CXXC1: variants seen among roughly 807,000 people sequenced by gnomAD.
The protein encoded by CXXC1 is CXXC finger protein 1, also known as CXXC-type zinc finger protein 1.
In CXXC1, 21 loss-of-function variants were observed where a neutral mutation model predicts 83.6. That is an observed-to-expected ratio of 0.25 (90% CI 0.18 to 0.36). The LOEUF is 0.36. CXXC1 is among the 10% of genes least tolerant of loss of function. The pLI is 1.00. For synonymous variants in CXXC1, 371 were observed against 337.5 expected (o/e 1.10, Z -1.09); for missense variants, 688 against 919.5 (o/e 0.75, Z 3.26).
Position 50,285,364 on chromosome 18 carries a change from G to T in CXXC1, c.640-13C>A. 2 of 1,585,252 alleles carry T rather than the reference G, an allele frequency of 1.3e-6. No homozygotes were observed. The highest frequency in any genetic ancestry group is 1.7e-6 in the Non-Finnish European group (2 of 1,164,378). ...ACTTGTACGATTCCTGTGCCGGCAG[G>T]AGGAAGGCCCAGGTCAGCCCCAGGT... On this transcript the variant is annotated splice_polypyrimidine_tract_variant and intron_variant, in intron 5 of 14. Coordinates refer to ENST00000285106, the MANE Select transcript of CXXC1 (RefSeq NM_014593.4). This position sits in a 1 kb window ranked among gnomAD's most constrained non-coding sequence, Gnocchi z 4.4.
chr18:50,286,230 T>C lies in CXXC1; in HGVS notation c.251A>G (p.Tyr84Cys), dbSNP rs770099569. Residue 84 changes from tyrosine (Y) to cysteine (C), a missense_variant, in exon 4 of 15, where the codon TAT becomes TGT. Tyr to Cys is a radical substitution (Grantham distance 194, BLOSUM62 -2). Transcript: ENST00000285106. ...REKDPKLEIRYRHKKSRERDG... is the reference protein window; with the variant it reads ...REKDPKLEIRCRHKKSRERDG... ...CCGCTCCCGTGACTTCTTGTGCCGA[T>C]AGCGAATCTCTAGCTTGGGGTCTTT... is the stretch of plus-strand genomic sequence containing the variant. 6.2e-7 allele frequency: 1 copy of C among 1,611,076 alleles called. No homozygotes were observed. Among genetic ancestry groups the C allele is most frequent in the Non-Finnish European group, 8.5e-7 (1 of 1,179,312 alleles).
chr18:50,284,329 C>T (rs954076009), intron 9 of CXXC1, 49 bp downstream of exon 9: 4 of 1,517,612 alleles, frequency 2.6e-6, no homozygotes, highest in South Asian at 2.6e-5. Flanking sequence ...TGTGGTCAGG[C>T]CCTACCATGC....
In CXXC1 at chr18:50,285,406, T is replaced by TGCCCTA; in HGVS notation, c.640-61_640-56dup. On this transcript the variant is annotated intron_variant, in intron 5 of 14. Coordinates refer to ENST00000285106, the MANE Select transcript of CXXC1 (RefSeq NM_014593.4). The surrounding 1 kb of genome is among the most constrained non-coding windows in gnomAD (Gnocchi z 4.4). ...GCCCCAGGTGGATGGAGGGCGGCCT[T>TGCCCTA]GCCCTAGCCCTACCCACCTGGCCTG... 6.5e-7 allele frequency: 1 copy of TGCCCTA among 1,543,246 alleles called. No individual in the cohort carries two copies. The highest frequency in any genetic ancestry group is 2.3e-5 in the East Asian group (1 of 44,292).
chr18:50,287,143 C>A (rs747298501), intron 1 of CXXC1: 1 of 526,608 alleles, frequency 1.9e-6, no homozygotes, highest in Non-Finnish European at 3.4e-6. Flanking sequence ...GCCTCACAGA[C>A]CCCGCGTAAC....
Position 50,285,361 on chromosome 18 carries a change from C to G in CXXC1, c.640-10G>C. ...AGTACTTGTACGATTCCTGTGCCGG[C>G]AGGAGGAAGGCCCAGGTCAGCCCCA... On this transcript the variant is annotated splice_polypyrimidine_tract_variant and intron_variant, in intron 5 of 14. Transcript: ENST00000285106. This position sits in a 1 kb window ranked among gnomAD's most constrained non-coding sequence, Gnocchi z 4.4. The G allele has an allele frequency of 6.3e-7, 1 of 1,586,342 alleles. No individual in the cohort carries two copies. Among genetic ancestry groups the G allele is most frequent in the Non-Finnish European group, 8.6e-7 (1 of 1,164,864 alleles).
Position 50,282,467 on chromosome 18 carries a change from G to A in CXXC1, c.*126C>T. ...GACAGTCCCTCTGATAAAGGCAGAT[G>A]GGCGGTCAACCGGTGGATGGGCACA... On this transcript the variant is annotated 3_prime_UTR_variant, in exon 15 of 15. Coordinates refer to ENST00000285106, the MANE Select transcript of CXXC1 (RefSeq NM_014593.4). This position sits in a 1 kb window ranked among gnomAD's most constrained non-coding sequence, Gnocchi z 5.8. 12 of 1,227,560 alleles carry A rather than the reference G, an allele frequency of 9.8e-6. No individual in the cohort carries two copies. Among genetic ancestry groups the A allele is most frequent in the Non-Finnish European group, 1.4e-5 (12 of 861,952 alleles). 76.0% of individuals were successfully genotyped at this position (1,227,560 alleles called of 1,614,324 possible).
In CXXC1 at chr18:50,287,459, G is replaced by A. The variant is rs536145705; in HGVS notation, c.3+128C>T. The A allele has an allele frequency of 1.6e-4, 183 of 1,136,274 alleles. 3 individuals are homozygous for A. The South Asian group carries it at 1.8e-3, about 11-fold the overall frequency. 70.4% of individuals were successfully genotyped at this position (1,136,274 alleles called of 1,614,324 possible). Reference sequence around the variant, plus strand: ...CAGATGGTTCATCATTCTGCCCATAGACTCCCGCCGTTCAGTCCACAGACT... The same window carrying A: ...CAGATGGTTCATCATTCTGCCCATAAACTCCCGCCGTTCAGTCCACAGACT... On this transcript the variant is annotated intron_variant, in intron 1 of 14. Coordinates refer to ENST00000285106, the MANE Select transcript of CXXC1 (RefSeq NM_014593.4).
chr18:50,287,390 A>G, intron 1 of CXXC1, 197 bp downstream of exon 1: 1 of 643,184 alleles, frequency 1.6e-6, no homozygotes, highest in Non-Finnish European at 2.7e-6. Context: ...TCCCCACTAA[A>G]CTTCTATTAA....
intron 12 of CXXC1, 73 bp downstream of exon 12, chr18:50,283,442 C>T (rs2149293378): frequency 2.5e-6 from 4 of 1,606,186 alleles, no homozygotes; most frequent in Middle Eastern, 3.3e-4. Context: ...TATCCTGCCC[C>T]AGCTCCACAC....
chr18:50,285,124 A>T lies in CXXC1; in HGVS notation c.790T>A (p.Ser264Thr). Reference sequence around the variant, plus strand: ...GCCTCAGGAGGCTCCTTGACTGTTGATGACGCCACTGCCCCCTCATCTTCA... The same window carrying T: ...GCCTCAGGAGGCTCCTTGACTGTTGTTGACGCCACTGCCCCCTCATCTTCA... The part of the protein sequence containing the change: ...IREDEGAVAS[S>T]TVKEPPEATA... Residue 264 changes from serine to threonine, a missense_variant, in exon 7 of 15, where the codon TCA becomes ACA. Transcript: ENST00000285106. The surrounding 1 kb of genome is among the most constrained non-coding windows in gnomAD (Gnocchi z 4.4). 8 of 1,614,146 alleles carry T rather than the reference A, an allele frequency of 5.0e-6. No homozygotes were observed. Among genetic ancestry groups the T allele is most frequent in the Non-Finnish European group, 6.8e-6 (8 of 1,180,020 alleles).
In CXXC1 at chr18:50,282,438, C is replaced by T. The variant is rs904103336; in HGVS notation, c.*155G>A. On this transcript the variant is annotated 3_prime_UTR_variant, in exon 15 of 15. Transcript: ENST00000285106. This position sits in a 1 kb window ranked among gnomAD's most constrained non-coding sequence, Gnocchi z 5.8. ...CCCCACCAGGCACTGAACATGTCGACGGGGACAGTCCCTCTGATAAAGGCA... is the reference window on the plus strand; with the variant it reads ...CCCCACCAGGCACTGAACATGTCGATGGGGACAGTCCCTCTGATAAAGGCA... 17 of 934,132 alleles carry T rather than the reference C, an allele frequency of 1.8e-5. No homozygotes were observed. Among genetic ancestry groups the T allele is most frequent in the Non-Finnish European group, 2.6e-5 (16 of 605,226 alleles). 57.9% of individuals were successfully genotyped at this position (934,132 alleles called of 1,614,324 possible).
In CXXC1 at chr18:50,282,940, A is replaced by G. The variant is rs1360042360; in HGVS notation, c.1738T>C (p.Cys580Arg). Residue 580 changes from cysteine to arginine, a missense_variant, in exon 14 of 15, where the codon TGC (cysteine) becomes CGC (arginine). Coordinates refer to ENST00000285106, the MANE Select transcript of CXXC1 (RefSeq NM_014593.4). This position sits in a 1 kb window ranked among gnomAD's most constrained non-coding sequence, Gnocchi z 5.8. ...TTGCACTGGCGCTTGGGCAGGCGGC[A>G]GAAGTCACCCGTGAGCTCAAAGACA... ...RDVFELTGDF[C>R]RLPKRQCNRH... 1 of 1,614,206 alleles carries G rather than the reference A, an allele frequency of 6.2e-7. No individual in the cohort carries two copies. Among genetic ancestry groups the G allele is most frequent in the Admixed American group, 1.7e-5 (1 of 60,030 alleles).
chr18:50,282,840 G>T lies in CXXC1; in HGVS notation c.1824+14C>A. 1 of 1,613,776 alleles carries T rather than the reference G, an allele frequency of 6.2e-7. No homozygotes were observed. Among genetic ancestry groups the T allele is most frequent in the Non-Finnish European group, 8.5e-7 (1 of 1,179,756 alleles). On this transcript the variant is annotated intron_variant, in intron 14 of 14. Coordinates refer to ENST00000285106, the MANE Select transcript of CXXC1 (RefSeq NM_014593.4). This position sits in a 1 kb window ranked among gnomAD's most constrained non-coding sequence, Gnocchi z 5.8. Reference sequence around the variant, plus strand: ...ACCTACCACATGCAGCACCAAAACCGCACAGAAACCTACCACACGCACGCG... The same window carrying T: ...ACCTACCACATGCAGCACCAAAACCTCACAGAAACCTACCACACGCACGCG...
chr18:50,284,568 G>T lies in CXXC1; in HGVS notation c.1021-6C>A. 2 of 1,582,850 alleles carry T rather than the reference G, an allele frequency of 1.3e-6. No homozygotes were observed. The highest frequency in any genetic ancestry group is 2.3e-5 in the South Asian group (2 of 85,790). On this transcript the variant is annotated splice_polypyrimidine_tract_variant and splice_region_variant and intron_variant, in intron 8 of 14. Coordinates refer to ENST00000285106, the MANE Select transcript of CXXC1 (RefSeq NM_014593.4). Reference sequence around the variant, plus strand: ...CGCTTGTATCGCTCCTCCTTCTGTTGAGCAAGACAAGTCAGGTCAGGGTGG... The same window carrying T: ...CGCTTGTATCGCTCCTCCTTCTGTTTAGCAAGACAAGTCAGGTCAGGGTGG...
intron 2 of CXXC1, 30 bp from the exon 3 acceptor site, chr18:50,286,669 G>A (rs1452691979): frequency 1.9e-6 from 3 of 1,611,436 alleles, no homozygotes; most frequent in African/African-American, 2.7e-5. Flanking sequence ...CGATGGAGAT[G>A]TGAGGGGCGC....
intron 13 of CXXC1, 40 bp downstream of exon 13, chr18:50,283,225 G>T: frequency 6.5e-7 from 1 of 1,537,448 alleles, no homozygotes; most frequent in South Asian, 1.1e-5. Context: ...GCGAGGCAGG[G>T]AGGAGGGGCA....
In CXXC1 at chr18:50,285,457, C is replaced by G; in HGVS notation, c.640-106G>C. The G allele has an allele frequency of 7.5e-7, 1 of 1,339,380 alleles. No homozygotes were observed. Among genetic ancestry groups the G allele is most frequent in the South Asian group, 1.5e-5 (1 of 68,462 alleles). The allele number at this position is 1,339,380 out of a possible 1,614,324, so 83.0% of individuals were successfully genotyped here. A position where few individuals can be genotyped will look rare whatever the true frequency, so the allele number is the denominator to read the frequency against. On this transcript the variant is annotated intron_variant, in intron 5 of 14. Coordinates refer to ENST00000285106, the MANE Select transcript of CXXC1 (RefSeq NM_014593.4). The surrounding 1 kb of genome is among the most constrained non-coding windows in gnomAD (Gnocchi z 4.4). ...GCCTTACCTCCCCAGACACACCTCC[C>G]CGCTACCCCTCATTGCCAGGAATGC... is the stretch of plus-strand genomic sequence containing the variant.
intron 2 of CXXC1, 23 bp downstream of exon 2, chr18:50,286,717 C>T (rs1347035552): frequency 1.2e-6 from 2 of 1,610,336 alleles, no homozygotes; most frequent in Admixed American, 1.7e-5. Flanking sequence ...AGTGTCAGCC[C>T]CGCCCATCTC....
rs1486255088 is a variant in CXXC1, at chr18:50,286,113, C to G, written c.368G>C (p.Gly123Ala). ...VPDPDLQRRA[G>A]SGTGVGAMLA... ...CATGGCCCCAACCCCTGTCCCTGAC[C>G]CTGCCCGGCGCTGCAGGTCTGGATC... Residue 123 changes from glycine to alanine, a missense_variant, in exon 4 of 15, where the codon GGG becomes GCG. Physicochemically the swap from Gly to Ala is moderately conservative, Grantham distance 60 (BLOSUM62 0). Transcript: ENST00000285106. The G allele has an allele frequency of 1.2e-6, 2 of 1,613,882 alleles. No homozygotes were observed. The highest frequency in any genetic ancestry group is 2.7e-5 in the African/African-American group (2 of 74,930).
Sources: gnomAD v4.1 joint callset for allele counts on GRCh38, gnomAD v4.1.1 for gene constraint, Gnocchi (gnomAD v3.1) non-coding constraint, MANE v1.5 for transcripts, NCBI Gene and HGNC (gene_info 2026-07-23, HGNC 2026-07-21) for gene names.